The following LRP1B variants were observed in gnomAD, a reference collection of about 807,000 sequenced individuals.
LRP1B encodes the protein LDL receptor related protein 1B, also known as low-density lipoprotein receptor-related protein 1B.
In LRP1B, 217 loss-of-function variants were observed where a neutral mutation model predicts 556.6. The ratio of observed to expected loss-of-function variants is 0.39; its 90% CI spans 0.35 to 0.44. LRP1B has a LOEUF of 0.44. Among genes scored for constraint, LRP1B ranks in the 20% least tolerant of loss-of-function variants. The pLI is 1.00. For missense variants in LRP1B, 5,053 were observed against 5,620.8 expected, an observed-to-expected ratio of 0.90 and a Z score of 3.23; for synonymous variants, 2,047 against 1,865.8, an observed-to-expected ratio of 1.10 and a Z score of -2.50.
chr2:141,071,323 T>G (rs963467458), intron 7 of LRP1B, among the ~76,000 whole-genome samples: 6 of 151,382 alleles, frequency 4.0e-5, no homozygotes, highest in African/African-American at 1.2e-4. Flanking sequence ...TGCTAAAAAC[T>G]CTCAATAAAT....
intron 11 of LRP1B, among the ~76,000 whole-genome samples, chr2:141,042,672 G>A (rs932249317): frequency 5.9e-5 from 9 of 151,982 alleles, no homozygotes; most frequent in East Asian, 3.9e-4. Flanking sequence ...TGCTGACCTC[G>A]GGGAGCTGTT....
intron 71 of LRP1B, among the ~76,000 whole-genome samples, chr2:140,365,919 C>G (rs2105155052): frequency 6.6e-6 from 1 of 151,788 alleles, no homozygotes; most frequent in Middle Eastern, 3.4e-3. Context: ...GCCATTGTTC[C>G]TTTTGCAGAT....
At chr2:141,756,655 C>T (rs1694331037) in intron 2 of LRP1B, among the ~76,000 whole-genome samples, 1 of 151,726 alleles carries the variant, frequency 6.6e-6, no homozygotes, top group South Asian at 2.1e-4. Flanking sequence ...GATTAGAATA[C>T]TGCATTTTTA....
intron 2 of LRP1B, among the ~76,000 whole-genome samples, chr2:141,606,401 C>A (rs1211494940): frequency 6.6e-6 from 1 of 151,948 alleles, no homozygotes; most frequent in African/African-American, 2.4e-5. Flanking sequence ...AGCTAAAAAC[C>A]AATGTTTAAA....
intron 5 of LRP1B, among the ~76,000 whole-genome samples, chr2:141,245,968 A>G (rs1684052788): frequency 6.6e-6 from 1 of 152,166 alleles, no homozygotes; most frequent in African/African-American, 2.4e-5. Flanking sequence ...GGCAATGATC[A>G]GTACTGAGTA....
chr2:141,005,806 C>G (rs1016670419), intron 14 of LRP1B, among the ~76,000 whole-genome samples: 3 of 151,936 alleles, frequency 2.0e-5, no homozygotes, highest in Admixed American at 6.6e-5. Flanking sequence ...ACCACTGGCT[C>G]TCAGAATGTG....
chr2:140,797,645 C>A (rs1168127913), intron 32 of LRP1B, among the ~76,000 whole-genome samples: 1 of 151,886 alleles, frequency 6.6e-6, no homozygotes, highest in African/African-American at 2.4e-5. Flanking sequence ...CTATTTTTTG[C>A]TCATTGTAAA....
chr2:140,805,161 T>A lies in LRP1B; in HGVS notation c.5359+8496A>T, dbSNP rs1441446445. On this transcript the variant is annotated intron_variant, in intron 32 of 90. Transcript: ENST00000389484. The stretch of plus-strand genomic sequence containing the variant: ...GCAAATACACACAGGACCCACCTTT[T>A]TTGACTGATCCCCATAGTAGCCAAA... Among the ~76,000 whole-genome samples the A allele has an allele frequency of 2.0e-5, 3 of 152,176 alleles. No homozygotes were observed. In the East Asian group the frequency reaches 5.8e-4, roughly 29 times the overall value.
At chr2:141,570,452 G>A (rs1372978092) in intron 2 of LRP1B, among the ~76,000 whole-genome samples, 5 of 151,218 alleles carry the variant, frequency 3.3e-5, no homozygotes, top group African/African-American at 9.7e-5. Context: ...CACCACCAGG[G>A]CCTAGTGTCC....
At chr2:141,227,585 T>C (rs1040076228) in intron 6 of LRP1B, among the ~76,000 whole-genome samples, 2 of 152,234 alleles carry the variant, frequency 1.3e-5, no homozygotes, top group African/African-American at 2.4e-5. Flanking sequence ...GCTTTCATTA[T>C]AATTTTTGGT....
chr2:141,204,490 C>T (rs1030297287), intron 6 of LRP1B, among the ~76,000 whole-genome samples: 1 of 151,930 alleles, frequency 6.6e-6, no homozygotes, highest in Non-Finnish European at 1.5e-5. Context: ...AGGACTAGTC[C>T]AAATAGAAAT....
rs1283044589 is a variant in LRP1B at position 141,865,586 on chromosome 2, C to A, written c.83-55185G>T. On this transcript the variant is annotated intron_variant, in intron 1 of 90. Coordinates refer to ENST00000389484, the MANE Select transcript of LRP1B (RefSeq NM_018557.3). ...CAGCCTGGGCGACAGAGCGAGACTCCGTCTCAAAAAAAAAAAAAAAAGAAA... is the reference window on the plus strand; with the variant it reads ...CAGCCTGGGCGACAGAGCGAGACTCAGTCTCAAAAAAAAAAAAAAAAGAAA... 1.0e-4 allele frequency among the ~76,000 whole-genome samples: 11 copies of A among 109,568 alleles called. No homozygotes were observed. The South Asian group carries it at 3.3e-3, about 33-fold the overall frequency. The allele number at this position is 109,568 out of a possible 152,430, so 71.9% of individuals were successfully genotyped here. A position where few individuals can be genotyped will look rare whatever the true frequency, so the allele number is the denominator to read the frequency against.
chr2:141,511,976 T>C (rs1281514916), intron 2 of LRP1B, among the ~76,000 whole-genome samples: 1 of 152,164 alleles, frequency 6.6e-6, no homozygotes, highest in Non-Finnish European at 1.5e-5. Flanking sequence ...TCCAGTCAAC[T>C]GGGCACACTT....
Position 141,471,281 on chromosome 2 carries a change from T to TGTTTTTG in LRP1B, c.343+9114_343+9115insCAAAAAC, listed in dbSNP as rs747787803. ...ATATACCCTGGTATTTTTTTTTTTTTTTTTTTTTTTTTTACTCTCTTGCTT... is the reference window on the plus strand; with the variant it reads ...ATATACCCTGGTATTTTTTTTTTTTTGTTTTTGTTTTTTTTTTTTTACTCTCTTGCTT... On this transcript the variant is annotated intron_variant, in intron 3 of 90. Transcript: ENST00000389484. Among the ~76,000 whole-genome samples the TGTTTTTG allele has an allele frequency of 4.4e-4, 36 of 81,784 alleles. 1 individual carries two copies. Among genetic ancestry groups the TGTTTTTG allele is most frequent in the East Asian group, 2.8e-3 (11 of 3,862 alleles). 53.7% of individuals were successfully genotyped at this position (81,784 alleles called of 152,430 possible). A position where few individuals can be genotyped will look rare whatever the true frequency, so the allele number is the denominator to read the frequency against.
At chr2:141,507,190 T>C (rs999854658) in intron 2 of LRP1B, among the ~76,000 whole-genome samples, 2 of 152,142 alleles carry the variant, frequency 1.3e-5, no homozygotes, top group African/African-American at 2.4e-5. Context: ...ATTTTGAAAA[T>C]AAGATAGGAC....
At chr2:141,675,813 A>G (rs1343771367) in intron 2 of LRP1B, among the ~76,000 whole-genome samples, 1 of 151,812 alleles carries the variant, frequency 6.6e-6, no homozygotes, top group Non-Finnish European at 1.5e-5. Flanking sequence ...CACTTTAATT[A>G]TATTCTGAGA....
At chr2:141,243,256 G>A (rs191159974) in intron 5 of LRP1B, among the ~76,000 whole-genome samples, 58 of 152,100 alleles carry the variant, frequency 3.8e-4, no homozygotes, top group Middle Eastern at 3.4e-3. Context: ...GGTATGGCAG[G>A]AGGATTGTTT....
intron 31 of LRP1B, among the ~76,000 whole-genome samples, chr2:140,817,321 CG>C (rs771886512): frequency 2.4e-4 from 36 of 150,812 alleles, no homozygotes; most frequent in Middle Eastern, 3.7e-3. Flanking sequence ...AATAAGTATA[CG>C]AAAAAAATAA....
At chr2:140,750,278 A>G (rs1688530008) in intron 35 of LRP1B, among the ~76,000 whole-genome samples, 1 of 152,188 alleles carries the variant, frequency 6.6e-6, no homozygotes, top group Non-Finnish European at 1.5e-5. Flanking sequence ...TGGTATATTG[A>G]TTATGGTGAA....
Sources: allele counts gnomAD v4.1 joint callset (sites outside exome capture counted in the v4.1 genomes callset), GRCh38; gene constraint gnomAD v4.1.1; transcripts MANE v1.5; gene names NCBI Gene and HGNC (gene_info 2026-07-23, HGNC 2026-07-21).